Variants in C3AR1 observed in about 807,000 individuals in gnomAD.
C3AR1 encodes the protein C3a anaphylatoxin chemotactic receptor.
For missense variants in C3AR1, 579 were observed against 583.5 expected, an observed-to-expected ratio of 0.99 and a Z score of 0.08; for synonymous variants, 208 against 225.3, an observed-to-expected ratio of 0.92 and a Z score of 0.69.
rs1193082679 is a variant in C3AR1, at chr12:8,060,000, G to A, written c.186C>T (p.Leu62=). Reference sequence around the variant, plus strand: ...AGAGGAGGTCCGCCAAGGTGAGGTGGAGGAACCAAATTGTGTTCACTGTCC... The same window carrying A: ...AGAGGAGGTCCGCCAAGGTGAGGTGAAGGAACCAAATTGTGTTCACTGTCC... ...MQRTVNTIWF[L]HLTLADLLCC... Residue 62 remains leucine (L), a synonymous_variant, in exon 2 of 2, where the codon CTC becomes CTT. Transcript: ENST00000307637. The A allele has an allele frequency of 1.2e-6, 2 of 1,614,110 alleles. No homozygotes were observed. The highest frequency in any genetic ancestry group is 1.7e-5 in the Admixed American group (1 of 60,010).
chr12:8,065,185 A>T (rs931165944), intron 1 of C3AR1, among the ~76,000 whole-genome samples: 1 of 151,570 alleles, frequency 6.6e-6, no homozygotes, highest in East Asian at 1.9e-4. Flanking sequence ...AAAAAAAGAT[A>T]TATGGTATTG....
At position 8,060,038 on chromosome 12, in the gene C3AR1, G is replaced by C; in HGVS notation, c.148C>G (p.Leu50Val). Reference protein sequence around the residue: ...GNGLVLWVAGLKMQRTVNTIW... With the variant: ...GNGLVLWVAGVKMQRTVNTIW... ...GTGTTCACTGTCCGCTGCATCTTCA[G>C]GCCAGCCACCCACAGCACCAGCCCA... is the stretch of plus-strand genomic sequence containing the variant. Residue 50 changes from leucine (L) to valine (V), a missense_variant, in exon 2 of 2, where the codon CTG becomes GTG. By Grantham distance (32) the Leu-to-Val change is conservative. Transcript: ENST00000307637. 2.5e-6 allele frequency: 4 copies of C among 1,614,094 alleles called. No individual in the cohort carries two copies. Among genetic ancestry groups the C allele is most frequent in the Non-Finnish European group, 3.4e-6 (4 of 1,180,026 alleles).
rs146621085 is a variant in C3AR1 at position 8,065,017 on chromosome 12, G to A, written c.-11+1261C>T. ...ACATGAGCCACTGTGCCCAGCCTAC[G>A]TTTTCTCTGCTTTTATTTCTCAAGT... On this transcript the variant is annotated intron_variant, in intron 1 of 1. Transcript: ENST00000307637. 6.5e-4 allele frequency among the ~76,000 whole-genome samples: 99 copies of A among 151,888 alleles called. No individual in the cohort carries two copies. In the East Asian group the frequency reaches 0.018, roughly 27 times the overall value.
rs745526092 is a variant in C3AR1, at chr12:8,065,852, A to G, written c.-11+426T>C. 2.0e-5 allele frequency among the ~76,000 whole-genome samples: 3 copies of G among 152,186 alleles called. No individual in the cohort carries two copies. In the East Asian group the frequency reaches 5.8e-4, roughly 29 times the overall value. On this transcript the variant is annotated intron_variant, in intron 1 of 1. Transcript: ENST00000307637. ...TAAAATTCCACTGTGATAGAGAAAG[A>G]AAAGTGGACCCCAGAATCAAATTGT...
Position 8,065,864 on chromosome 12 carries a change from C to T in C3AR1, c.-11+414G>A, listed in dbSNP as rs1306658866. On this transcript the variant is annotated intron_variant, in intron 1 of 1. Transcript: ENST00000307637. ...GTGATAGAGAAAGAAAAGTGGACCC[C>T]AGAATCAAATTGTAGTAATAGGATA... Among the ~76,000 whole-genome samples, 4 of 151,366 alleles carry T rather than the reference C, an allele frequency of 2.6e-5. No individual in the cohort carries two copies. In the East Asian group the frequency reaches 5.8e-4, roughly 22 times the overall value.
rs150091334 is a variant in C3AR1, at chr12:8,065,355, G to C, written c.-11+923C>G. 1.7e-3 allele frequency among the ~76,000 whole-genome samples: 264 copies of C among 152,096 alleles called. 4 individuals are homozygous for C. The highest frequency in any genetic ancestry group is 5.3e-3 in the African/African-American group (222 of 41,532). ...AGTATGTAGGAGTCAGGGATTAAAA[G>C]TCCTTTAGAACAAGGCTGGGTGTGG... is the stretch of plus-strand genomic sequence containing the variant. On this transcript the variant is annotated intron_variant, in intron 1 of 1. Transcript: ENST00000307637.
rs1365323594 is a variant in C3AR1, at chr12:8,058,754, T to G, written c.1432A>C (p.Asn478His). ...CPSNNVISER[N>H]STTV The stretch of plus-strand genomic sequence containing the variant: ...CCACATTTTCACACAGTTGTACTAT[T>G]TCTTTCTGAAATGACATTGTTTGAG... Residue 478 changes from asparagine to histidine, a missense_variant, in exon 2 of 2, where the codon AAT (asparagine) becomes CAT (histidine). Physicochemically the swap from Asn to His is moderately conservative, Grantham distance 68. Transcript: ENST00000307637. 1.2e-6 allele frequency: 2 copies of G among 1,611,806 alleles called. No homozygotes were observed. Among genetic ancestry groups the G allele is most frequent in the Admixed American group, 3.3e-5 (2 of 59,782 alleles).
rs1275177436 is a variant in C3AR1 at position 8,056,956 on chromosome 12, TCAGA to T, written c.*1777_*1780del. Among the ~76,000 whole-genome samples, 1 of 152,258 alleles carries T rather than the reference TCAGA, an allele frequency of 6.6e-6. No individual in the cohort carries two copies. The highest frequency in any genetic ancestry group is 1.5e-5 in the Non-Finnish European group (1 of 68,048). On this transcript the variant is annotated 3_prime_UTR_variant, in exon 2 of 2. Coordinates refer to ENST00000307637, the MANE Select transcript of C3AR1 (RefSeq NM_004054.4). The stretch of plus-strand genomic sequence containing the variant: ...GAAAGGTAGCACTTCAAATCTTATG[TCAGA>T]CATTCTTCACAACTGAAAGAATTCC...
chr12:8,062,463 C>G (rs891093049), intron 1 of C3AR1, among the ~76,000 whole-genome samples: 7 of 152,056 alleles, frequency 4.6e-5, no homozygotes, highest in African/African-American at 7.2e-5. Context: ...CCATGCCCCC[C>G]CTTTTATATG....
chr12:8,063,274 T>G (rs1786099432), intron 1 of C3AR1, among the ~76,000 whole-genome samples: 1 of 152,066 alleles, frequency 6.6e-6, no homozygotes, highest in Non-Finnish European at 1.5e-5. Context: ...ACTTCTTAAT[T>G]CTTTGTAATG....
intron 1 of C3AR1, among the ~76,000 whole-genome samples, chr12:8,062,941 G>T (rs1486414336): frequency 2.3e-4 from 31 of 135,806 alleles, no homozygotes; most frequent in African/African-American, 8.9e-4. Flanking sequence ...GAGCCACCGC[G>T]CCCGGCCCTT....
At chr12:8,060,875 AAC>A (rs1231282161) in intron 1 of C3AR1, among the ~76,000 whole-genome samples, 1 of 152,226 alleles carries the variant, frequency 6.6e-6, no homozygotes, top group Non-Finnish European at 1.5e-5. Context: ...TAAATAAGTA[AAC>A]ACACAAAAAT....
chr12:8,063,516 T>C (rs746419441), intron 1 of C3AR1, among the ~76,000 whole-genome samples: 4 of 152,184 alleles, frequency 2.6e-5, no homozygotes, highest in African/African-American at 9.6e-5. Context: ...CATTTTCCGT[T>C]CCATGGCTAA....
At chr12:8,062,139 T>C (rs753075412) in intron 1 of C3AR1, among the ~76,000 whole-genome samples, 2 of 152,348 alleles carry the variant, frequency 1.3e-5, no homozygotes, top group Non-Finnish European at 2.9e-5. Flanking sequence ...TATTCCATTG[T>C]AGGTCTATAC....
rs749038393 is a variant in C3AR1 at position 8,060,020 on chromosome 12, C to T, written c.166G>A (p.Val56Met). The part of the protein sequence containing the change: ...WVAGLKMQRT[V>M]NTIWFLHLTL... ...AGGTGGAGGAACCAAATTGTGTTCA[C>T]TGTCCGCTGCATCTTCAGGCCAGCC... The change falls in exon 2 of 2, where the codon GTG becomes ATG. Residue 56 changes from valine (V) to methionine (M), a missense_variant. Physicochemically the swap from Val to Met is conservative, Grantham distance 21. Transcript: ENST00000307637. The T allele has an allele frequency of 1.1e-5, 17 of 1,613,994 alleles. No individual in the cohort carries two copies. Among genetic ancestry groups the T allele is most frequent in the African/African-American group, 2.7e-5 (2 of 74,874 alleles).
At chr12:8,065,569 G>A (rs745402858) in intron 1 of C3AR1, among the ~76,000 whole-genome samples, 9 of 144,944 alleles carry the variant, frequency 6.2e-5, no homozygotes, top group South Asian at 2.2e-4. Flanking sequence ...CAGGAGAATC[G>A]CTTGAACCTG....
rs2120368587 is a variant in C3AR1, at chr12:8,056,879, A to G, written c.*1858T>C. On this transcript the variant is annotated 3_prime_UTR_variant, in exon 2 of 2. Coordinates refer to ENST00000307637, the MANE Select transcript of C3AR1 (RefSeq NM_004054.4). ...TCTGAGCCTCGCAAGGACCCATGAG[A>G]AAAAAAGCATTTATTCATATCAAAT... is the stretch of plus-strand genomic sequence containing the variant. 6.6e-6 allele frequency among the ~76,000 whole-genome samples: 1 copy of G among 152,300 alleles called. No homozygotes were observed. Among genetic ancestry groups the G allele is most frequent in the African/African-American group, 2.4e-5 (1 of 41,560 alleles).
chr12:8,059,386 G>T lies in C3AR1; in HGVS notation c.800C>A (p.Pro267His). The change falls in exon 2 of 2, where the codon CCT becomes CAT. Residue 267 changes from proline (P) to histidine (H), a missense_variant. Transcript: ENST00000307637. ...AATAGGAAACCCACTGGGGATTTTA[G>T]GTGAGACCACATCAGCAGGTTTAAA... is the stretch of plus-strand genomic sequence containing the variant. ...NVFKPADVVS[P>H]KIPSGFPIED... 3.1e-6 allele frequency: 5 copies of T among 1,614,112 alleles called. No individual in the cohort carries two copies. Among genetic ancestry groups the T allele is most frequent in the Non-Finnish European group, 4.2e-6 (5 of 1,179,998 alleles).
intron 1 of C3AR1, among the ~76,000 whole-genome samples, chr12:8,061,857 C>T (rs1311897426): frequency 6.6e-6 from 1 of 152,198 alleles, no homozygotes; most frequent in Non-Finnish European, 1.5e-5. Flanking sequence ...ACCATATTCA[C>T]GTTGTACAAC....
Sources: allele counts gnomAD v4.1 joint callset (sites outside exome capture counted in the v4.1 genomes callset), GRCh38; gene constraint gnomAD v4.1.1; transcripts MANE v1.5; gene names NCBI Gene and HGNC (gene_info 2026-07-23, HGNC 2026-07-21).